CHD9: variants seen among roughly 807,000 people sequenced by gnomAD.
CHD9 encodes ATP-dependent chromatin remodeler CHD9.
Under a neutral mutation model 316.1 loss-of-function variants are expected in CHD9, and 77 were observed. The observed-to-expected ratio is 0.24, with a 90% CI of 0.20 to 0.29. The LOEUF (loss-of-function observed/expected upper bound fraction) is 0.29. Among genes scored for constraint, CHD9 ranks in the 10% least tolerant of loss-of-function variants. The pLI is 1.00. For missense variants in CHD9, 2,763 were observed against 3,438.1 expected (o/e 0.80, Z 4.91); for synonymous variants, 1,129 against 1,158.3 (o/e 0.97, Z 0.51).
At chr16:53,173,222 GGTCTCCT>G (rs1284431504) in intron 2 of CHD9, among the ~76,000 whole-genome samples, 10 of 152,092 alleles carry the variant, frequency 6.6e-5, no homozygotes, top group Admixed American at 3.9e-4. Context: ...AATAGGTGTA[GGTCTCCT>G]TAGGTTATCT....
chr16:53,173,186 T>C (rs1452787550), intron 2 of CHD9, among the ~76,000 whole-genome samples: 1 of 152,150 alleles, frequency 6.6e-6, no homozygotes, highest in Non-Finnish European at 1.5e-5. Context: ...GATGGGAATA[T>C]TTTTAATTAT....
chr16:53,063,223 C>T (rs1193252330), intron 1 of CHD9, among the ~76,000 whole-genome samples: 5 of 151,958 alleles, frequency 3.3e-5, no homozygotes, highest in Non-Finnish European at 7.4e-5. Flanking sequence ...TACTACTGAG[C>T]AAACAGGCAT....
intron 19 of CHD9, among the ~76,000 whole-genome samples, chr16:53,261,661 A>G (rs556204775): frequency 3.3e-4 from 50 of 152,178 alleles, no homozygotes; most frequent in African/African-American, 1.1e-3. Context: ...TACAGACGTG[A>G]GCCACCATGC....
chr16:53,091,692 G>A (rs1387034835), intron 1 of CHD9, among the ~76,000 whole-genome samples: 6 of 152,176 alleles, frequency 3.9e-5, no homozygotes, highest in Non-Finnish European at 8.8e-5. Context: ...AGCACTAAAT[G>A]TTTGGAATAA....
intron 36 of CHD9, among the ~76,000 whole-genome samples, chr16:53,316,189 C>A (rs2056873347): frequency 3.9e-5 from 6 of 152,160 alleles, no homozygotes; most frequent in Admixed American, 2.6e-4. Context: ...GTTGAGATTA[C>A]AGGTGTGAGC....
intron 1 of CHD9, chr16:53,130,994 C>T: frequency 6.6e-6 from 1 of 152,328 alleles, no homozygotes; most frequent in Non-Finnish European, 1.5e-5. Context: ...GAGGCGGTGC[C>T]CCTTCACTCC....
Position 53,285,603 on chromosome 16 carries a change from G to A in CHD9, c.4975G>A (p.Asp1659Asn). The change falls in exon 25 of 39, where the codon GAT (aspartate) becomes AAT (asparagine). Residue 1659 changes from aspartate to asparagine, a missense_variant. Physicochemically the swap from Asp to Asn is conservative, Grantham distance 23. Coordinates refer to ENST00000447540, the MANE Select transcript of CHD9 (RefSeq NM_001308319.2). The stretch of plus-strand genomic sequence containing the variant: ...ATTATGATTTTTTTAAAGTGACATT[G>A]ATGTTTGGGTACCAGAACCAGACCA... ...VFDGVDASDI[D>N]VWVPEPDHSE... 1.9e-6 allele frequency: 3 copies of A among 1,593,840 alleles called. No individual in the cohort carries two copies. The highest frequency in any genetic ancestry group is 2.6e-6 in the Non-Finnish European group (3 of 1,168,334).
chr16:53,194,142 G>A (rs955256765), intron 2 of CHD9, among the ~76,000 whole-genome samples: 2 of 151,760 alleles, frequency 1.3e-5, no homozygotes, highest in African/African-American at 2.4e-5. Flanking sequence ...GATCACTTGA[G>A]CCCAAGAATT....
Position 53,167,670 on chromosome 16 carries a change from A to G in CHD9, c.1452+10129A>G, listed in dbSNP as rs75925643. On this transcript the variant is annotated intron_variant, in intron 2 of 38. Transcript: ENST00000447540. ...TGTAATTATTTGATTCTTCAAATAC[A>G]TATTATATACATAATATAGTGTATA... Among the ~76,000 whole-genome samples, 766 of 152,226 alleles carry G rather than the reference A, an allele frequency of 5.0e-3. 14 individuals are homozygous for G. The East Asian group carries it at 0.076, about 15-fold the overall frequency.
chr16:53,147,773 G>A (rs1170401055), intron 1 of CHD9, among the ~76,000 whole-genome samples: 1 of 152,132 alleles, frequency 6.6e-6, no homozygotes, highest in African/African-American at 2.4e-5. Flanking sequence ...TGTCTATTGT[G>A]AATAATGCTG....
At chr16:53,248,757 A>G (rs2049890269) in intron 16 of CHD9, among the ~76,000 whole-genome samples, 2 of 151,946 alleles carry the variant, frequency 1.3e-5, no homozygotes, top group African/African-American at 4.8e-5. Flanking sequence ...CCTGGGCTCA[A>G]GCAGTTCTTC....
At chr16:53,167,984 A>G (rs1567411280) in intron 2 of CHD9, among the ~76,000 whole-genome samples, 1 of 152,124 alleles carries the variant, frequency 6.6e-6, no homozygotes, top group Non-Finnish European at 1.5e-5. Flanking sequence ...TTTTGGAAGT[A>G]ATTTTTAAAA....
chr16:53,291,026 A>G (rs1028436202), intron 27 of CHD9, among the ~76,000 whole-genome samples: 1 of 152,170 alleles, frequency 6.6e-6, no homozygotes, highest in African/African-American at 2.4e-5. Flanking sequence ...TCAAGAAATA[A>G]AATAAGTCTT....
chr16:53,134,096 A>G (rs1033883916), intron 1 of CHD9, among the ~76,000 whole-genome samples: 3 of 152,200 alleles, frequency 2.0e-5, no homozygotes, highest in Middle Eastern at 3.2e-3. Context: ...TAGAGAGTCT[A>G]TAAAGAAAAA....
chr16:53,180,227 G>C (rs562807837), intron 2 of CHD9, among the ~76,000 whole-genome samples: 5 of 151,866 alleles, frequency 3.3e-5, no homozygotes, highest in African/African-American at 1.2e-4. Context: ...GGCTGGCCTC[G>C]AACTGCTGAC....
At chr16:53,173,389 T>C (rs1357924663) in intron 2 of CHD9, among the ~76,000 whole-genome samples, 3 of 152,140 alleles carry the variant, frequency 2.0e-5, no homozygotes, top group African/African-American at 7.2e-5. Flanking sequence ...TTTCTGATAA[T>C]GGTAATTAGT....
chr16:53,249,003 CAT>C (rs1423022002), intron 16 of CHD9, among the ~76,000 whole-genome samples: 2 of 152,010 alleles, frequency 1.3e-5, no homozygotes, highest in South Asian at 4.1e-4. Context: ...AATTTTATAT[CAT>C]GTGATACGAA....
chr16:53,110,041 C>T (rs1286803673), intron 1 of CHD9, among the ~76,000 whole-genome samples: 1 of 152,058 alleles, frequency 6.6e-6, no homozygotes, highest in Non-Finnish European at 1.5e-5. Context: ...ACTCTTATAC[C>T]CAATAGATAA....
intron 38 of CHD9, among the ~76,000 whole-genome samples, 192 bp downstream of exon 38, chr16:53,321,822 CT>C (rs1287989118): frequency 1.3e-5 from 2 of 151,948 alleles, no homozygotes; most frequent in Non-Finnish European, 2.9e-5. Flanking sequence ...AAAATCAATA[CT>C]GATTTGTTTT....
Sources: gnomAD v4.1 joint callset for allele counts (sites outside exome capture counted in the v4.1 genomes callset) on GRCh38, gnomAD v4.1.1 for gene constraint, MANE v1.5 for transcripts, NCBI Gene and HGNC (gene_info 2026-07-23, HGNC 2026-07-21) for gene names.